Variants in MLLT3 observed in about 807,000 individuals in gnomAD.
MLLT3 encodes protein AF-9.
MLLT3 carries 4 observed loss-of-function variants against 53.2 expected under a neutral mutation model. The observed-to-expected ratio is 0.08, with a 90% confidence interval of 0.04 to 0.17. The LOEUF (loss-of-function observed/expected upper bound fraction) is 0.17, where lower values mean the gene tolerates loss of function less well. Among genes scored for constraint, MLLT3 ranks in the 10% least tolerant of loss-of-function variants. The pLI is 1.00. For missense variants in MLLT3, 569 were observed against 684.0 expected (o/e 0.83, Z 1.87); for synonymous variants, 283 against 230.6 (o/e 1.23, Z -2.06).
At chr9:20,515,069 C>A (rs889493547) in intron 2 of MLLT3, among the ~76,000 whole-genome samples, 1 of 151,574 alleles carries the variant, frequency 6.6e-6, no homozygotes, top group Non-Finnish European at 1.5e-5. Context: ...GCCTCAGCCT[C>A]CCTAGTAGAT....
chr9:20,384,441 CTAAG>C (rs1005982743), intron 5 of MLLT3, among the ~76,000 whole-genome samples: 5 of 152,032 alleles, frequency 3.3e-5, no homozygotes, highest in Non-Finnish European at 5.9e-5. Context: ...TCCTGCACTC[CTAAG>C]TAAGAGGTTT....
At chr9:20,437,538 G>C (rs1250538218) in intron 4 of MLLT3, among the ~76,000 whole-genome samples, 1 of 152,090 alleles carries the variant, frequency 6.6e-6, no homozygotes, top group Non-Finnish European at 1.5e-5. Flanking sequence ...TGTAGTGGAC[G>C]AAAGAAGCCA....
chr9:20,493,864 C>A (rs1038690309), intron 2 of MLLT3, among the ~76,000 whole-genome samples: 1 of 152,010 alleles, frequency 6.6e-6, no homozygotes, highest in Non-Finnish European at 1.5e-5. Context: ...ATCTGTAACA[C>A]CATAGTTATT....
intron 2 of MLLT3, among the ~76,000 whole-genome samples, chr9:20,580,668 C>T (rs1819768040): frequency 6.6e-6 from 1 of 152,188 alleles, no homozygotes; most frequent in African/African-American, 2.4e-5. Flanking sequence ...GTTTTCCTTT[C>T]ACATAGGCAT....
chr9:20,511,829 C>G (rs1227731971), intron 2 of MLLT3, among the ~76,000 whole-genome samples: 1 of 152,112 alleles, frequency 6.6e-6, no homozygotes, highest in Non-Finnish European at 1.5e-5. Context: ...AAGAGGAACA[C>G]CTATAAGTGC....
At chr9:20,384,077 C>T (rs1483726240) in intron 5 of MLLT3, among the ~76,000 whole-genome samples, 3 of 152,100 alleles carry the variant, frequency 2.0e-5, no homozygotes, top group African/African-American at 7.2e-5. Context: ...GAAAATGATC[C>T]ACTTAAAGAA....
chr9:20,469,595 T>C (rs1364142629), intron 2 of MLLT3, among the ~76,000 whole-genome samples: 2 of 152,054 alleles, frequency 1.3e-5, no homozygotes, highest in African/African-American at 4.8e-5. Context: ...CTTCTGCCAG[T>C]AGTTGAATCT....
chr9:20,365,565 G>T, intron 6 of MLLT3, 104 bp downstream of exon 6: 1 of 1,285,072 alleles, frequency 7.8e-7, no homozygotes, highest in Non-Finnish European at 1.1e-6. Flanking sequence ...AGCTAGGATG[G>T]TCTTGATCTC....
chr9:20,360,173 G>A (rs1047838174), intron 8 of MLLT3, among the ~76,000 whole-genome samples: 2 of 152,080 alleles, frequency 1.3e-5, no homozygotes, highest in Admixed American at 6.5e-5. Flanking sequence ...TATCTTGGAC[G>A]AGAAAACTGA....
rs1226737368 is a variant in MLLT3, at chr9:20,621,633, A to G, written c.12+612T>C. Reference sequence around the variant, plus strand: ...CTCCCCCCAAAAAATGAAATTCAGAAAGGCAGGGCGGCGGGCGGACAGCCG... The same window carrying G: ...CTCCCCCCAAAAAATGAAATTCAGAGAGGCAGGGCGGCGGGCGGACAGCCG... On this transcript the variant is annotated intron_variant, in intron 1 of 10. Transcript: ENST00000380338. This position sits in a 1 kb window ranked among gnomAD's most constrained non-coding sequence, Gnocchi z 7.0. 3.8e-6 allele frequency: 3 copies of G among 796,006 alleles called. No homozygotes were observed. Among genetic ancestry groups the G allele is most frequent in the Non-Finnish European group, 5.6e-6 (3 of 540,178 alleles). The allele number at this position is 796,006 out of a possible 1,614,324, so 49.3% of individuals were successfully genotyped here. A position where few individuals can be genotyped will look rare whatever the true frequency, so the allele number is the denominator to read the frequency against.
chr9:20,516,445 A>G (rs527464309), intron 2 of MLLT3, among the ~76,000 whole-genome samples: 44 of 152,206 alleles, frequency 2.9e-4, no homozygotes, highest in African/African-American at 1.0e-3. Flanking sequence ...TACCTCCAAA[A>G]CTTTCATTAC....
intron 5 of MLLT3, among the ~76,000 whole-genome samples, chr9:20,409,444 G>A (rs1822668430): frequency 6.6e-6 from 1 of 152,078 alleles, no homozygotes; most frequent in African/African-American, 2.4e-5. Context: ...AGTTTAAGCA[G>A]GTTAATAAAA....
chr9:20,425,708 T>G (rs1823123874), intron 4 of MLLT3, among the ~76,000 whole-genome samples: 1 of 151,946 alleles, frequency 6.6e-6, no homozygotes, highest in Admixed American at 6.6e-5. Context: ...TTATATACAT[T>G]TAGCTTACAT....
At chr9:20,598,323 T>C (rs1413801971) in intron 2 of MLLT3, among the ~76,000 whole-genome samples, 1 of 152,224 alleles carries the variant, frequency 6.6e-6, no homozygotes, top group Non-Finnish European at 1.5e-5. Context: ...AAACTATAAC[T>C]TATTTAAATT....
At chr9:20,397,362 T>A (rs771441812) in intron 5 of MLLT3, among the ~76,000 whole-genome samples, 3 of 152,094 alleles carry the variant, frequency 2.0e-5, no homozygotes, top group Non-Finnish European at 4.4e-5. Flanking sequence ...TCTCAGTGAG[T>A]ATAACGTTCA....
intron 4 of MLLT3, among the ~76,000 whole-genome samples, chr9:20,435,054 C>T (rs1823368520): frequency 6.6e-6 from 1 of 152,122 alleles, no homozygotes; most frequent in Admixed American, 6.6e-5. Context: ...TCTTTAGAGA[C>T]TCAGAGCCTG....
chr9:20,370,295 C>T (rs1821565461), intron 5 of MLLT3, among the ~76,000 whole-genome samples: 1 of 152,126 alleles, frequency 6.6e-6, no homozygotes, highest in Non-Finnish European at 1.5e-5. Flanking sequence ...TTTGATGCTA[C>T]TATTGTAATT....
intron 2 of MLLT3, among the ~76,000 whole-genome samples, chr9:20,535,975 G>A (rs1818473957): frequency 6.6e-6 from 1 of 151,978 alleles, no homozygotes; most frequent in Non-Finnish European, 1.5e-5. Context: ...AGGACCTCCT[G>A]TACTTATTAA....
chr9:20,385,969 T>C (rs1476888736), intron 5 of MLLT3, among the ~76,000 whole-genome samples: 1 of 152,156 alleles, frequency 6.6e-6, no homozygotes, highest in Non-Finnish European at 1.5e-5. Flanking sequence ...TTGTGTTGCA[T>C]CTCTCCCTTT....
Sources: gnomAD v4.1 joint callset for allele counts (sites outside exome capture counted in the v4.1 genomes callset) on GRCh38, gnomAD v4.1.1 for gene constraint, Gnocchi (gnomAD v3.1) non-coding constraint, MANE v1.5 for transcripts, NCBI Gene and HGNC (gene_info 2026-07-23, HGNC 2026-07-21) for gene names.